ANKS1A: variants seen among roughly 807,000 people sequenced by gnomAD.
ANKS1A encodes ankyrin repeat and sterile alpha motif domain containing 1A.
Under a neutral mutation model 120.3 loss-of-function variants are expected in ANKS1A, and 55 were observed. The ratio of observed to expected loss-of-function variants is 0.46; its 90% CI spans 0.37 to 0.57. The LOEUF is 0.57. ANKS1A is among the 20% of genes least tolerant of loss of function. The pLI is 0.00. For synonymous variants in ANKS1A, 590 were observed against 604.7 expected (o/e 0.98, Z 0.36); for missense variants, 1,123 against 1,480.3 (o/e 0.76, Z 3.96).
chr6:35,063,771 A>G lies in ANKS1A; in HGVS notation c.2184+3518A>G, dbSNP rs79437929. Among the ~76,000 whole-genome samples the G allele has an allele frequency of 1.4e-3, 209 of 152,352 alleles. 2 individuals are homozygous for G. The East Asian group carries it at 0.037, about 27-fold the overall frequency. ...TAACGTAGGTGTCTTAAGGAACTTG[A>G]TGGTCCAGCTGGGAAAACAAAGCAC... On this transcript the variant is annotated intron_variant, in intron 13 of 23. Coordinates refer to ENST00000360359, the MANE Select transcript of ANKS1A (RefSeq NM_015245.3).
intron 1 of ANKS1A, among the ~76,000 whole-genome samples, chr6:34,937,584 G>A (rs991648089): frequency 4.6e-5 from 7 of 152,138 alleles, no homozygotes; most frequent in African/African-American, 1.7e-4. Flanking sequence ...GGGACAGTGG[G>A]GAGAAAGGTG....
rs747032814 is a variant in ANKS1A, at chr6:35,084,079, TGCCTGA to T, written c.2995-34_2995-29del. On this transcript the variant is annotated intron_variant, in intron 20 of 23. Transcript: ENST00000360359. The surrounding 1 kb of genome is among the most constrained non-coding windows in gnomAD (Gnocchi z 4.8). ...GCTGGGGCAGGGGGTGCCAGAGGCA[TGCCTGA>T]GCCTGAGAATTCCAGAACACGGCTT... 8.1e-6 allele frequency: 13 copies of T among 1,610,460 alleles called. No homozygotes were observed. Among genetic ancestry groups the T allele is most frequent in the Non-Finnish European group, 9.3e-6 (11 of 1,177,834 alleles).
Position 35,060,642 on chromosome 6 carries a change from A to C in ANKS1A, c.2184+389A>C, listed in dbSNP as rs1017998979. Among the ~76,000 whole-genome samples the C allele has an allele frequency of 1.3e-5, 2 of 152,166 alleles. No homozygotes were observed. The highest frequency in any genetic ancestry group is 4.8e-5 in the African/African-American group (2 of 41,448). On this transcript the variant is annotated intron_variant, in intron 13 of 23. Coordinates refer to ENST00000360359, the MANE Select transcript of ANKS1A (RefSeq NM_015245.3). This position sits in a 1 kb window ranked among gnomAD's most constrained non-coding sequence, Gnocchi z 4.5. ...AGCAAGGAGCCTTGCCTCCAGCAGAAAGACCCCTTCCCTGCCCAGCCAAGG... is the reference window on the plus strand; with the variant it reads ...AGCAAGGAGCCTTGCCTCCAGCAGACAGACCCCTTCCCTGCCCAGCCAAGG...
intron 11 of ANKS1A, among the ~76,000 whole-genome samples, chr6:35,053,222 T>C (rs1334407155): frequency 6.6e-6 from 1 of 152,218 alleles, no homozygotes; most frequent in Non-Finnish European, 1.5e-5. Flanking sequence ...TCATTATCAC[T>C]GCAACCCAAA....
At chr6:34,950,244 T>TTG (rs1770009491) in intron 1 of ANKS1A, among the ~76,000 whole-genome samples, 1 of 140,068 alleles carries the variant, frequency 7.1e-6, no homozygotes, top group African/African-American at 2.8e-5. Flanking sequence ...TTTTTTTTTT[T>TTG]GGGACGGAGT....
intron 1 of ANKS1A, among the ~76,000 whole-genome samples, chr6:34,940,408 A>G (rs1357426164): frequency 1.3e-5 from 2 of 152,146 alleles, no homozygotes; most frequent in African/African-American, 2.4e-5. Flanking sequence ...TCCTTGAGGC[A>G]CTTGTGGGAA....
chr6:34,967,264 T>G lies in ANKS1A; in HGVS notation c.223T>G (p.Cys75Gly). 3 of 1,614,010 alleles carry G rather than the reference T, an allele frequency of 1.9e-6. No homozygotes were observed. The highest frequency in any genetic ancestry group is 2.5e-6 in the Non-Finnish European group (3 of 1,179,972). Reference sequence around the variant, plus strand: ...CATGTGGAGAGGGCCAAATGTGAACTGTGTTGACAGCACTGGCTACACACC... The same window carrying G: ...CATGTGGAGAGGGCCAAATGTGAACGGTGTTGACAGCACTGGCTACACACC... ...LSMWRGPNVN[C>G]VDSTGYTPLH... Residue 75 changes from cysteine (C) to glycine (G), a missense_variant, in exon 2 of 24, where the codon TGT becomes GGT. Physicochemically the swap from Cys to Gly is radical, Grantham distance 159. Transcript: ENST00000360359.
At chr6:34,934,214 C>T (rs1769133498) in intron 1 of ANKS1A, among the ~76,000 whole-genome samples, 1 of 152,104 alleles carries the variant, frequency 6.6e-6, no homozygotes, top group Non-Finnish European at 1.5e-5. Context: ...GTGGCCCAGT[C>T]TCGGCTCACT....
intron 17 of ANKS1A, among the ~76,000 whole-genome samples, chr6:35,081,467 G>A (rs751920707): frequency 1.2e-4 from 18 of 152,028 alleles, no homozygotes; most frequent in South Asian, 2.1e-4. Flanking sequence ...GGCCTCTTGC[G>A]TCCTGCACTG....
rs1409609398 is a variant in ANKS1A at position 35,081,049 on chromosome 6, C to T, written c.2600C>T (p.Thr867Ile). 6 of 1,614,014 alleles carry T rather than the reference C, an allele frequency of 3.7e-6. No homozygotes were observed. The Admixed American group carries it at 8.3e-5, about 22-fold the overall frequency. The change falls in exon 17 of 24, where the codon ACT becomes ATT. Residue 867 changes from threonine to isoleucine, a missense_variant. By Grantham distance (89) the Thr-to-Ile change is moderately conservative. Around this residue, in one of 3 missense-constraint regions of ANKS1A, gnomAD observed 904 missense variants for 1,130.4 expected, o/e 0.80. Transcript: ENST00000360359. ...CCACTGAGTCAGAATGATTCCTGCA[C>T]TGGGCGGTCGGCAGATCTGCTGCTG... Reference protein sequence around the residue: ...SSPLSQNDSCTGRSADLLLPP... With the variant: ...SSPLSQNDSCIGRSADLLLPP...
At chr6:35,054,232 TC>T in intron 12 of ANKS1A, 67 bp downstream of exon 12, 2 of 1,473,532 alleles carry the variant, frequency 1.4e-6, no homozygotes, top group Non-Finnish European at 1.9e-6. Context: ...GCTCAGGCTT[TC>T]CTCTAACACA....
At chr6:35,030,850 C>T (rs1446805805) in intron 11 of ANKS1A, among the ~76,000 whole-genome samples, 1 of 152,220 alleles carries the variant, frequency 6.6e-6, no homozygotes, top group African/African-American at 2.4e-5. Flanking sequence ...TCTTCTCTCT[C>T]ACCTCAGATG....
intron 10 of ANKS1A, among the ~76,000 whole-genome samples, chr6:35,011,689 C>T (rs2127553693): frequency 6.6e-6 from 1 of 152,278 alleles, no homozygotes; most frequent in South Asian, 2.1e-4. Context: ...TTTATTCTGC[C>T]TCTTTAAAAG....
rs147948266 is a variant in ANKS1A at position 35,039,416 on chromosome 6, T to G, written c.2011-14683T>G. On this transcript the variant is annotated intron_variant, in intron 11 of 23. Transcript: ENST00000360359. ...TTCTCCATGTTGGTCAGGCTGGTCTTGAACTCCCGACCTCAGGTGATCCGC... is the reference window on the plus strand; with the variant it reads ...TTCTCCATGTTGGTCAGGCTGGTCTGGAACTCCCGACCTCAGGTGATCCGC... Among the ~76,000 whole-genome samples the G allele has an allele frequency of 7.9e-3, 1,201 of 152,168 alleles. 9 individuals are homozygous for G. Among genetic ancestry groups the G allele is most frequent in the African/African-American group, 0.025 (1,019 of 41,502 alleles).
rs150045510 is a variant in ANKS1A, at chr6:35,005,917, G to A, written c.1423+11495G>A. On this transcript the variant is annotated intron_variant, in intron 10 of 23. Coordinates refer to ENST00000360359, the MANE Select transcript of ANKS1A (RefSeq NM_015245.3). ...AATATACAAGAATTAGGCCGGGCGC[G>A]GTGGCTCATGCCTGTAATCCCAGCA... 2,334 of 310,164 alleles carry A rather than the reference G, an allele frequency of 7.5e-3. 45 individuals are homozygous for A. The highest frequency in any genetic ancestry group is 0.05 in the African/African-American group (2,182 of 43,626). The allele number at this position is 310,164 out of a possible 1,614,324, so 19.2% of individuals were successfully genotyped here.
intron 11 of ANKS1A, among the ~76,000 whole-genome samples, chr6:35,029,707 A>G (rs988591456): frequency 6.0e-5 from 9 of 149,062 alleles, no homozygotes; most frequent in Admixed American, 1.3e-4. Flanking sequence ...GATTACAAAT[A>G]TATGTATATT....
At chr6:34,969,327 C>T (rs1373745931) in intron 2 of ANKS1A, among the ~76,000 whole-genome samples, 2 of 152,154 alleles carry the variant, frequency 1.3e-5, no homozygotes, top group African/African-American at 4.8e-5. Flanking sequence ...AATCTCAGCT[C>T]ACTACAACCT....
intron 9 of ANKS1A, among the ~76,000 whole-genome samples, chr6:34,990,309 C>A (rs1395894308): frequency 6.6e-6 from 1 of 152,120 alleles, no homozygotes; most frequent in Non-Finnish European, 1.5e-5. Flanking sequence ...GGTACAAATT[C>A]TGTCCTTAAT....
Position 35,017,667 on chromosome 6 carries a change from G to A in ANKS1A, c.1618G>A (p.Ala540Thr), listed in dbSNP as rs1474412072. 3 of 1,613,920 alleles carry A rather than the reference G, an allele frequency of 1.9e-6. No homozygotes were observed. Among genetic ancestry groups the A allele is most frequent in the Non-Finnish European group, 1.7e-6 (2 of 1,179,984 alleles). The change falls in exon 11 of 24, where the codon GCC (alanine) becomes ACC (threonine). Residue 540 changes from alanine (A) to threonine (T), a missense_variant. Physicochemically the swap from Ala to Thr is moderately conservative, Grantham distance 58 (BLOSUM62 0). Coordinates refer to ENST00000360359, the MANE Select transcript of ANKS1A (RefSeq NM_015245.3). ...GSPQQGACHK[A>T]SMQLEETGVH... ...CCCCCAGCAGGGCGCCTGCCACAAG[G>A]CCAGCATGCAGCTGGAGGAGACGGG...
Sources: gnomAD v4.1 joint callset for allele counts (sites outside exome capture counted in the v4.1 genomes callset) on GRCh38, gnomAD v4.1.1 for gene constraint, gnomAD v4.1.1 regional missense constraint, Gnocchi (gnomAD v3.1) non-coding constraint, MANE v1.5 for transcripts, NCBI Gene and HGNC (gene_info 2026-07-23, HGNC 2026-07-21) for gene names.